GPC6: variants seen among roughly 807,000 people sequenced by gnomAD.
The protein encoded by GPC6 is glypican 6, also known as glypican-6.
In GPC6, 14 loss-of-function variants were observed where a neutral mutation model predicts 55.2. The ratio of observed to expected loss-of-function variants is 0.25; its 90% confidence interval spans 0.17 to 0.40. The LOEUF is 0.40. Among genes scored for constraint, GPC6 ranks in the 10% least tolerant of loss-of-function variants. The pLI is 1.00. For missense variants in GPC6, 641 were observed against 708.5 expected (o/e 0.90, Z 1.08); for synonymous variants, 278 against 259.6 (o/e 1.07, Z -0.68).
At chr13:94,304,264 G>A (rs1012253660) in intron 5 of GPC6, among the ~76,000 whole-genome samples, 9 of 152,216 alleles carry the variant, frequency 5.9e-5, no homozygotes, top group African/African-American at 2.2e-4. Context: ...TCTGCAAAAT[G>A]CTGAGTTGAA....
intron 6 of GPC6, among the ~76,000 whole-genome samples, chr13:94,332,168 A>G: frequency 6.6e-6 from 1 of 152,148 alleles, no homozygotes; most frequent in East Asian, 1.9e-4. Flanking sequence ...TTTTTCTTTT[A>G]TAATTCTTTT....
chr13:94,076,144 T>A (rs56011732), intron 4 of GPC6, among the ~76,000 whole-genome samples: 23,817 of 149,824 alleles, frequency 0.16, 2,124 homozygotes, highest in South Asian at 0.25. Flanking sequence ...TTTTTTTTTT[T>A]AAATAATGAT....
At chr13:94,347,143 C>T (rs890766289) in intron 6 of GPC6, among the ~76,000 whole-genome samples, 3 of 152,120 alleles carry the variant, frequency 2.0e-5, no homozygotes, top group Non-Finnish European at 1.5e-5. Context: ...TTCAGATGCA[C>T]GATTCGAGAG....
intron 2 of GPC6, among the ~76,000 whole-genome samples, chr13:93,822,939 C>T (rs1887107864): frequency 6.6e-6 from 1 of 151,496 alleles, no homozygotes. Flanking sequence ...CCTTGGCTGC[C>T]TGCAACCTCT....
chr13:93,500,705 G>A (rs970566733), intron 1 of GPC6, among the ~76,000 whole-genome samples: 1 of 152,110 alleles, frequency 6.6e-6, no homozygotes, highest in Non-Finnish European at 1.5e-5. Context: ...CGAAAATCTT[G>A]TTCTTGCACC....
At position 93,900,629 on chromosome 13, in the gene GPC6, T is replaced by A. The variant is rs1404681833; in HGVS notation, c.711+70084T>A. Among the ~76,000 whole-genome samples the A allele has an allele frequency of 4.6e-5, 7 of 152,180 alleles. No individual in the cohort carries two copies. In the South Asian group the frequency reaches 1.4e-3, roughly 31 times the overall value. On this transcript the variant is annotated intron_variant, in intron 3 of 8. Coordinates refer to ENST00000377047, the MANE Select transcript of GPC6 (RefSeq NM_005708.5). ...TGCAGTTTTATCTCAGTAAGAGTTA[T>A]GCTCATAGCTTACTTATTCAAAAGT...
chr13:93,227,207 G>C lies in GPC6; in HGVS notation c.-250G>C. 1 of 421,462 alleles carries C rather than the reference G, an allele frequency of 2.4e-6. No homozygotes were observed. Among genetic ancestry groups the C allele is most frequent in the Non-Finnish European group, 4.2e-6 (1 of 235,762 alleles). 26.1% of individuals were successfully genotyped at this position (421,462 alleles called of 1,614,324 possible). ...TTTTGATTGCACCGTTTCCATCTGG[G>C]GGCTAGAGGAGCAAGGCAGCAGCCT... On this transcript the variant is annotated 5_prime_UTR_variant, in exon 1 of 9. Coordinates refer to ENST00000377047, the MANE Select transcript of GPC6 (RefSeq NM_005708.5). The surrounding 1 kb of genome is among the most constrained non-coding windows in gnomAD (Gnocchi z 4.3).
At chr13:93,470,899 C>A (rs1018526880) in intron 1 of GPC6, among the ~76,000 whole-genome samples, 5 of 152,016 alleles carry the variant, frequency 3.3e-5, no homozygotes, top group Non-Finnish European at 7.4e-5. Flanking sequence ...TCCTTTTCAA[C>A]TAAAATGTTG....
At chr13:93,232,019 G>A (rs370014600) in intron 1 of GPC6, among the ~76,000 whole-genome samples, 3 of 151,478 alleles carry the variant, frequency 2.0e-5, no homozygotes, top group South Asian at 2.1e-4. Flanking sequence ...CCCAGTGGGC[G>A]TTTCCTTTCT....
chr13:93,696,357 G>A (rs1344436543), intron 2 of GPC6, among the ~76,000 whole-genome samples: 1 of 152,036 alleles, frequency 6.6e-6, no homozygotes, highest in East Asian at 1.9e-4. Context: ...GCCATGGACA[G>A]GATGAAATAA....
At chr13:94,355,157 G>T (rs1180812374) in intron 6 of GPC6, among the ~76,000 whole-genome samples, 5 of 151,960 alleles carry the variant, frequency 3.3e-5, no homozygotes, top group African/African-American at 1.2e-4. Flanking sequence ...CCAAGTAGCT[G>T]GGATTACAGG....
intron 2 of GPC6, among the ~76,000 whole-genome samples, chr13:93,811,556 T>C (rs1216928377): frequency 6.6e-6 from 1 of 151,634 alleles, no homozygotes; most frequent in Non-Finnish European, 1.5e-5. Flanking sequence ...TTGGCTTACG[T>C]AGACATTCCC....
chr13:93,219,137 A>G, the GPC6 span, among the ~76,000 whole-genome samples: 8 of 146,728 alleles, frequency 5.5e-5, no homozygotes, highest in African/African-American at 2.0e-4. Flanking sequence ...TCTGTCACCC[A>G]GGCTGGAGTG....
chr13:93,698,483 G>GTTTT (rs1241968405), intron 2 of GPC6, among the ~76,000 whole-genome samples: 2 of 81,180 alleles, frequency 2.5e-5, no homozygotes, highest in Non-Finnish European at 4.9e-5. Flanking sequence ...TACTGTGTGG[G>GTTTT]TCTTTTTTTT....
At chr13:93,277,101 C>G (rs1877782565) in intron 1 of GPC6, among the ~76,000 whole-genome samples, 1 of 152,148 alleles carries the variant, frequency 6.6e-6, no homozygotes, top group South Asian at 2.1e-4. Flanking sequence ...TGTTACATTT[C>G]CTATAAGCCC....
chr13:93,682,999 C>T (rs1036614410), intron 2 of GPC6, among the ~76,000 whole-genome samples: 5 of 151,714 alleles, frequency 3.3e-5, no homozygotes, highest in African/African-American at 1.2e-4. Context: ...GTCTGTGTGA[C>T]CAAGCAAGAC....
intron 6 of GPC6, among the ~76,000 whole-genome samples, chr13:94,376,732 G>A (rs1372893490): frequency 2.2e-4 from 33 of 152,124 alleles, no homozygotes; most frequent in African/African-American, 6.5e-4. Context: ...AAAAGAGCCC[G>A]CATCGCCAAG....
intron 1 of GPC6, among the ~76,000 whole-genome samples, chr13:93,484,164 T>G (rs1427513640): frequency 3.9e-5 from 6 of 152,144 alleles, no homozygotes; most frequent in Non-Finnish European, 8.8e-5. Context: ...GCAACAGTTT[T>G]TTTGGGTTAT....
chr13:93,535,178 C>T (rs1882007016), intron 1 of GPC6, among the ~76,000 whole-genome samples: 1 of 152,100 alleles, frequency 6.6e-6, no homozygotes, highest in Non-Finnish European at 1.5e-5. Flanking sequence ...ATATATTAGA[C>T]ATATTATGAA....
Sources: gnomAD v4.1 joint callset for allele counts (sites outside exome capture counted in the v4.1 genomes callset) on GRCh38, gnomAD v4.1.1 for gene constraint, Gnocchi (gnomAD v3.1) non-coding constraint, MANE v1.5 for transcripts, NCBI Gene and HGNC (gene_info 2026-07-23, HGNC 2026-07-21) for gene names.